The following CNGA1 variants were observed in gnomAD, a reference collection of about 807,000 sequenced individuals.
CNGA1 encodes the protein cyclic nucleotide-gated channel alpha-1.
Under a neutral mutation model 69.7 loss-of-function variants are expected in CNGA1, and 53 were observed. That is an observed-to-expected ratio of 0.76 (90% CI 0.61 to 0.96). CNGA1 has a LOEUF of 0.96. Among genes scored for constraint, CNGA1 ranks in the 40% least tolerant of loss-of-function variants. The probability of loss-of-function intolerance (pLI) is 0.00; values close to 1 mark genes in which losing one functional copy is unlikely to be tolerated. For synonymous variants in CNGA1, 249 were observed against 283.5 expected, an observed-to-expected ratio of 0.88 and a Z score of 1.22; for missense variants, 739 against 811.2, an observed-to-expected ratio of 0.91 and a Z score of 1.08.
intron 8 of CNGA1, among the ~76,000 whole-genome samples, chr4:47,942,445 C>T (rs1739144035): frequency 6.6e-6 from 1 of 150,506 alleles, no homozygotes. Context: ...TAAAACAATG[C>T]CACTCTTCTC....
At chr4:47,999,669 G>T (rs1260658246) in intron 2 of CNGA1, among the ~76,000 whole-genome samples, 1 of 152,138 alleles carries the variant, frequency 6.6e-6, no homozygotes, top group African/African-American at 2.4e-5. Flanking sequence ...TCAGGAGTTT[G>T]AAACCAGCCT....
intron 2 of CNGA1, among the ~76,000 whole-genome samples, chr4:47,982,701 T>C (rs1179260893): frequency 2.0e-5 from 3 of 152,184 alleles, no homozygotes; most frequent in African/African-American, 7.2e-5. Flanking sequence ...TAATGCGTTC[T>C]TTTTAAGATT....
intron 3 of CNGA1, among the ~76,000 whole-genome samples, chr4:47,964,108 C>G (rs1035410501): frequency 2.0e-5 from 3 of 152,104 alleles, no homozygotes; most frequent in African/African-American, 7.2e-5. Flanking sequence ...ATGAGAAATT[C>G]TTCGCTGACT....
rs979265039 is a variant in CNGA1, at chr4:48,011,571, T to C, written c.-222-678A>G. On this transcript the variant is annotated intron_variant, in intron 1 of 10. Transcript: ENST00000514170. ...TTGAAGAGCTTTATTCTGAGCCAAATATGACTGATCATGGCGCATGACACA... is the reference window on the plus strand; with the variant it reads ...TTGAAGAGCTTTATTCTGAGCCAAACATGACTGATCATGGCGCATGACACA... Among the ~76,000 whole-genome samples, 5 of 152,182 alleles carry C rather than the reference T, an allele frequency of 3.3e-5. No homozygotes were observed. In the South Asian group the frequency reaches 1.0e-3, roughly 32 times the overall value.
intron 3 of CNGA1, among the ~76,000 whole-genome samples, chr4:47,973,218 C>A (rs2053408): frequency 0.11 from 17,261 of 151,972 alleles, 1,578 homozygotes; most frequent in East Asian, 0.32. Flanking sequence ...AAGGCACCCA[C>A]CATCATGGCC....
Position 47,940,788 on chromosome 4 carries a change from G to T in CNGA1, c.627C>A (p.Ile209=). 1 of 1,606,116 alleles carries T rather than the reference G, an allele frequency of 6.2e-7. No homozygotes were observed. Among genetic ancestry groups the T allele is most frequent in the Non-Finnish European group, 8.5e-7 (1 of 1,173,252 alleles). The part of the protein sequence containing the change: ...LDYVSDIVYL[I]DMFVRTRTGY... Reference sequence around the variant, plus strand: ...CTGTCCTTGTTCGTACAAACATATCGATTAAATAGACTATGTCTGATACGT... The same window carrying T: ...CTGTCCTTGTTCGTACAAACATATCTATTAAATAGACTATGTCTGATACGT... The change falls in exon 10 of 11, where the codon ATC becomes ATA. Residue 209 remains isoleucine (I), a synonymous_variant. Coordinates refer to ENST00000514170, the MANE Select transcript of CNGA1 (RefSeq NM_001379270.1).
At position 47,936,015 on chromosome 4, in the gene CNGA1, A is replaced by T. The variant is rs1738616657; in HGVS notation, c.*406T>A. On this transcript the variant is annotated 3_prime_UTR_variant, in exon 11 of 11. Coordinates refer to ENST00000514170, the MANE Select transcript of CNGA1 (RefSeq NM_001379270.1). Reference sequence around the variant, plus strand: ...TTTACTTTATTGCAGTCTAATTTTTAAAAATGTTATCCCAAATATGATGTA... The same window carrying T: ...TTTACTTTATTGCAGTCTAATTTTTTAAAATGTTATCCCAAATATGATGTA... 1 of 187,510 alleles carries T rather than the reference A, an allele frequency of 5.3e-6. No individual in the cohort carries two copies. Among genetic ancestry groups the T allele is most frequent in the East Asian group, 1.4e-4 (1 of 7,140 alleles). The allele number at this position is 187,510 out of a possible 1,614,324, so 11.6% of individuals were successfully genotyped here. A position where few individuals can be genotyped will look rare whatever the true frequency, so the allele number is the denominator to read the frequency against.
chr4:47,937,026 C>G lies in CNGA1; in HGVS notation c.1456G>C (p.Glu486Gln), dbSNP rs1259872554. Residue 486 changes from glutamate (E) to glutamine (Q), a missense_variant, in exon 11 of 11, where the codon GAG becomes CAG. Glu to Gln is a conservative substitution (Grantham distance 29). Coordinates refer to ENST00000514170, the MANE Select transcript of CNGA1 (RefSeq NM_001379270.1). ...TGGGGTTGCAATTTCAAGACCAACTCCACCAACAGACCAGCTTCACAATCA... is the reference window on the plus strand; with the variant it reads ...TGGGGTTGCAATTTCAAGACCAACTGCACCAACAGACCAGCTTCACAATCA... Reference protein sequence around the residue: ...FADCEAGLLVELVLKLQPQVY... With the variant: ...FADCEAGLLVQLVLKLQPQVY... 3.1e-6 allele frequency: 5 copies of G among 1,614,056 alleles called. No homozygotes were observed. Among genetic ancestry groups the G allele is most frequent in the Non-Finnish European group, 3.4e-6 (4 of 1,180,042 alleles).
At chr4:47,978,683 GT>G in intron 3 of CNGA1, among the ~76,000 whole-genome samples, 1 of 151,800 alleles carries the variant, frequency 6.6e-6, no homozygotes, top group South Asian at 2.1e-4. Flanking sequence ...CTTTTTTCTT[GT>G]TTTATTGTGT....
At chr4:48,009,348 C>T (rs947660676) in intron 2 of CNGA1, among the ~76,000 whole-genome samples, 2 of 151,752 alleles carry the variant, frequency 1.3e-5, no homozygotes, top group African/African-American at 4.8e-5. Context: ...CACCTGTAAT[C>T]CCAGCTACTC....
At chr4:47,989,666 G>T (rs1288955397) in intron 2 of CNGA1, among the ~76,000 whole-genome samples, 1 of 152,040 alleles carries the variant, frequency 6.6e-6, no homozygotes, top group East Asian at 1.9e-4. Context: ...GTTTCCGTAG[G>T]TTATTGGGGA....
chr4:47,943,838 T>C (rs906179881), intron 6 of CNGA1, among the ~76,000 whole-genome samples: 8 of 152,256 alleles, frequency 5.3e-5, no homozygotes, highest in Non-Finnish European at 1.0e-4. Context: ...TTAGAGGGGA[T>C]AACCCTGACT....
intron 10 of CNGA1, among the ~76,000 whole-genome samples, chr4:47,939,951 C>A (rs1738968863): frequency 6.6e-6 from 1 of 152,190 alleles, no homozygotes; most frequent in South Asian, 2.1e-4. Context: ...TGCCTTACCC[C>A]TTCGATGTGA....
intron 6 of CNGA1, among the ~76,000 whole-genome samples, chr4:47,948,528 G>T (rs1192239886): frequency 6.6e-6 from 1 of 152,134 alleles, no homozygotes; most frequent in African/African-American, 2.4e-5. Context: ...GGCTTCCAGA[G>T]GGGTGATGCA....
At position 47,937,636 on chromosome 4, in the gene CNGA1, C is replaced by G. The variant is rs372314713; in HGVS notation, c.846G>C (p.Gln282His). The change falls in exon 11 of 11, where the codon CAG becomes CAC. Residue 282 changes from glutamine to histidine, a missense_variant. Gln to His is a conservative substitution (Grantham distance 24, BLOSUM62 0). Coordinates refer to ENST00000514170, the MANE Select transcript of CNGA1 (RefSeq NM_001379270.1). ...GATAGTTTGTCCTTGTTTCTGTTCTCTGGAAGAACTCAAACATACGAGAGA... is the reference window on the plus strand; with the variant it reads ...GATAGTTTGTCCTTGTTTCTGTTCTGTGGAAGAACTCAAACATACGAGAGA... ...LRFSRMFEFFQRTETRTNYPN... is the reference protein window; with the variant it reads ...LRFSRMFEFFHRTETRTNYPN... 6.2e-7 allele frequency: 1 copy of G among 1,614,026 alleles called. No individual in the cohort carries two copies. The highest frequency in any genetic ancestry group is 8.5e-7 in the Non-Finnish European group (1 of 1,180,020).
At chr4:47,943,824 T>G (rs1242721136) in intron 6 of CNGA1, among the ~76,000 whole-genome samples, 3 of 152,230 alleles carry the variant, frequency 2.0e-5, no homozygotes, top group African/African-American at 7.2e-5. Context: ...GCCATCAATT[T>G]TCTTTAGAGG....
chr4:48,001,140 T>G (rs1180688179), intron 2 of CNGA1, among the ~76,000 whole-genome samples: 1 of 151,988 alleles, frequency 6.6e-6, no homozygotes, highest in Non-Finnish European at 1.5e-5. Flanking sequence ...ATAGGTTAGA[T>G]GTAAAGGGAA....
At chr4:47,979,876 T>G (rs1427147802) in intron 3 of CNGA1, among the ~76,000 whole-genome samples, 3 of 152,212 alleles carry the variant, frequency 2.0e-5, no homozygotes, top group Non-Finnish European at 4.4e-5. Flanking sequence ...TGTTGATATC[T>G]TCAATTAAAG....
At chr4:48,004,683 A>C (rs1714836319) in intron 2 of CNGA1, among the ~76,000 whole-genome samples, 1 of 152,198 alleles carries the variant, frequency 6.6e-6, no homozygotes, top group South Asian at 2.1e-4. Context: ...ACAAAGGAAC[A>C]ATCCTGGAAA....
Sources: gnomAD v4.1 joint callset for allele counts (sites outside exome capture counted in the v4.1 genomes callset) on GRCh38, gnomAD v4.1.1 for gene constraint, MANE v1.5 for transcripts, NCBI Gene and HGNC (gene_info 2026-07-23, HGNC 2026-07-21) for gene names.